Variants in CCDC7 observed in about 807,000 individuals in gnomAD.
CCDC7 encodes the protein coiled-coil domain-containing protein 7.
A neutral mutation model predicts 196.9 loss-of-function variants in CCDC7; 183 were observed. The observed-to-expected ratio is 0.93, with a 90% confidence interval of 0.82 to 1.05. The LOEUF (loss-of-function observed/expected upper bound fraction) is 1.05. Ranked by LOEUF, CCDC7 falls within the 50% of genes least tolerant of loss-of-function variation. The probability of loss-of-function intolerance (pLI) is 0.00; values close to 1 mark genes in which losing one functional copy is unlikely to be tolerated. For synonymous variants in CCDC7, 525 were observed against 484.6 expected (o/e 1.08, Z -1.10); for missense variants, 1,540 against 1,482.2 (o/e 1.04, Z -0.64).
chr10:32,574,637 TTTA>T (rs773438456), intron 16 of CCDC7: 1 of 485,570 alleles, frequency 2.1e-6, no homozygotes, highest in Non-Finnish European at 3.1e-6. Context: ...ATTTTAATAA[TTTA>T]TTGTTTCACA....
chr10:32,782,799 A>G (rs2081268968), intron 29 of CCDC7, among the ~76,000 whole-genome samples: 1 of 152,230 alleles, frequency 6.6e-6, no homozygotes, highest in African/African-American at 2.4e-5. Flanking sequence ...CATAAAGCAG[A>G]CATACAGACC....
intron 24 of CCDC7, among the ~76,000 whole-genome samples, chr10:32,704,237 C>G (rs760425634): frequency 5.9e-5 from 9 of 152,134 alleles, no homozygotes; most frequent in Non-Finnish European, 1.3e-4. Flanking sequence ...AGTCAGGACC[C>G]TCAGCTGCAG....
At chr10:32,592,545 CAA>C (rs1055820441) in intron 18 of CCDC7, among the ~76,000 whole-genome samples, 2 of 146,598 alleles carry the variant, frequency 1.4e-5, no homozygotes, top group Admixed American at 7.2e-5. Context: ...TCATTTATCT[CAA>C]GATATATATT....
intron 24 of CCDC7, among the ~76,000 whole-genome samples, chr10:32,699,295 C>T (rs2078248836): frequency 6.8e-6 from 1 of 147,086 alleles, no homozygotes; most frequent in Non-Finnish European, 1.5e-5. Flanking sequence ...TGAGTGAGAA[C>T]ATGTGGTGTT....
intron 22 of CCDC7, among the ~76,000 whole-genome samples, chr10:32,687,618 G>T (rs926060025): frequency 2.0e-5 from 3 of 152,156 alleles, no homozygotes; most frequent in Non-Finnish European, 4.4e-5. Flanking sequence ...TAAATCATTG[G>T]TAAACTAGTA....
chr10:32,702,905 G>C (rs989021336), intron 24 of CCDC7, among the ~76,000 whole-genome samples: 1 of 152,072 alleles, frequency 6.6e-6, no homozygotes, highest in Non-Finnish European at 1.5e-5. Flanking sequence ...GAGCCTATGT[G>C]TGTCTCTGCA....
At chr10:32,843,373 T>C (rs1377036079) in intron 33 of CCDC7, among the ~76,000 whole-genome samples, 2 of 152,106 alleles carry the variant, frequency 1.3e-5, no homozygotes, top group East Asian at 3.9e-4. Context: ...GGGAGTAATA[T>C]TTCTGTACTT....
At chr10:32,457,542 C>A (rs1324809131) in intron 3 of CCDC7, among the ~76,000 whole-genome samples, 3 of 152,104 alleles carry the variant, frequency 2.0e-5, no homozygotes, top group Non-Finnish European at 4.4e-5. Context: ...TGTGGATATA[C>A]ACCCAGTAGT....
chr10:32,662,114 T>C (rs977055411), intron 20 of CCDC7, among the ~76,000 whole-genome samples: 3 of 152,190 alleles, frequency 2.0e-5, no homozygotes, highest in Non-Finnish European at 4.4e-5. Flanking sequence ...TTGATTTTTC[T>C]TTCTGCCATG....
At chr10:32,461,187 C>G (rs1211937823) in intron 3 of CCDC7, among the ~76,000 whole-genome samples, 1 of 152,178 alleles carries the variant, frequency 6.6e-6, no homozygotes, top group East Asian at 1.9e-4. Context: ...GAGGGAGTTA[C>G]ATACTGATAA....
rs539225989 is a variant in CCDC7, at chr10:32,483,872, A to C, written c.797-8050A>C. Among the ~76,000 whole-genome samples, 3 of 152,334 alleles carry C rather than the reference A, an allele frequency of 2.0e-5. No homozygotes were observed. In the East Asian group the frequency reaches 5.8e-4, roughly 29 times the overall value. ...TGGTCTATATCTCTGTTTTGATACC[A>C]GTACCATGCTGTTTTGGTTACTGTA... On this transcript the variant is annotated intron_variant, in intron 8 of 41. Coordinates refer to ENST00000639629, the Ensembl canonical transcript of CCDC7.
chr10:32,500,428 G>A (rs1050356428), intron 9 of CCDC7, among the ~76,000 whole-genome samples: 4 of 151,004 alleles, frequency 2.6e-5, no homozygotes, highest in East Asian at 3.9e-4. Context: ...CCAGGCAGAG[G>A]CGCTCTTCAC....
chr10:32,687,451 T>A (rs1179025706), intron 22 of CCDC7, among the ~76,000 whole-genome samples: 2 of 152,168 alleles, frequency 1.3e-5, no homozygotes, highest in Non-Finnish European at 2.9e-5. Flanking sequence ...AATAATATAT[T>A]CAGTAGAGGG....
At chr10:32,867,056 C>T (rs1328130420) in intron 41 of CCDC7, among the ~76,000 whole-genome samples, 1 of 151,306 alleles carries the variant, frequency 6.6e-6, no homozygotes, top group African/African-American at 2.4e-5. Context: ...TAGGTCAAGA[C>T]ACAAAAAGAA....
At chr10:32,494,502 T>C (rs1340253213) in intron 9 of CCDC7, among the ~76,000 whole-genome samples, 1 of 152,092 alleles carries the variant, frequency 6.6e-6, no homozygotes, top group African/African-American at 2.4e-5. Context: ...CCCATCAACC[T>C]GTCATCTACA....
intron 9 of CCDC7, among the ~76,000 whole-genome samples, chr10:32,492,444 G>A (rs923753561): frequency 1.3e-5 from 2 of 152,114 alleles, no homozygotes; most frequent in Non-Finnish European, 2.9e-5. Flanking sequence ...CAACCCACAT[G>A]TGCAACAATG....
chr10:32,751,719 G>A (rs540737512), intron 28 of CCDC7, among the ~76,000 whole-genome samples: 1 of 152,232 alleles, frequency 6.6e-6, no homozygotes, highest in Admixed American at 6.5e-5. Flanking sequence ...TGTTCCATCA[G>A]ACTTGCTGCT....
intron 20 of CCDC7, among the ~76,000 whole-genome samples, chr10:32,650,780 G>T (rs952835979): frequency 2.0e-5 from 3 of 152,318 alleles, no homozygotes; most frequent in African/African-American, 7.2e-5. Flanking sequence ...CAGGCACTCA[G>T]GGATGGGTTC....
chr10:32,698,423 C>T (rs1319964806), intron 24 of CCDC7, among the ~76,000 whole-genome samples: 2 of 151,936 alleles, frequency 1.3e-5, no homozygotes, highest in African/African-American at 2.4e-5. Context: ...GGAGGATGCT[C>T]GAACCCATTG....
Sources: gnomAD v4.1 joint callset for allele counts (sites outside exome capture counted in the v4.1 genomes callset) on GRCh38, gnomAD v4.1.1 for gene constraint, MANE v1.5 for transcripts, NCBI Gene and HGNC (gene_info 2026-07-23, HGNC 2026-07-21) for gene names.